The following PDZD2 variants were observed in gnomAD, a reference collection of about 807,000 sequenced individuals.
The protein encoded by PDZD2 is PDZ domain-containing protein 2.
A neutral mutation model predicts 220.7 loss-of-function variants in PDZD2; 90 were observed. That is an observed-to-expected ratio of 0.41 (90% CI 0.34 to 0.49). PDZD2 has a LOEUF of 0.49. Among genes scored for constraint, PDZD2 ranks in the 20% least tolerant of loss-of-function variants. The pLI, the probability that PDZD2 is intolerant of heterozygous loss-of-function variation, is 0.28. For missense variants in PDZD2, 3,174 were observed against 3,608.5 expected (o/e 0.88, Z 3.08); for synonymous variants, 1,375 against 1,450.5 (o/e 0.95, Z 1.18).
At chr5:31,797,580 G>A (rs760939818) in intron 1 of PDZD2, among the ~76,000 whole-genome samples, 5 of 151,812 alleles carry the variant, frequency 3.3e-5, no homozygotes, top group Admixed American at 6.6e-5. Flanking sequence ...CGATCCTCCC[G>A]CCTAACCCTC....
chr5:31,708,956 T>C (rs10040188), intron 1 of PDZD2, among the ~76,000 whole-genome samples: 79,425 of 150,374 alleles, frequency 0.53, 21,284 homozygotes, highest in African/African-American at 0.61. Flanking sequence ...GGTGTAGTCT[T>C]GGCTCACTGC....
chr5:31,705,016 C>G lies in PDZD2; in HGVS notation c.-361+65579C>G, dbSNP rs560033192. ...TCTCTACTAAAAATACAAAAATTAG[C>G]CAGGTGTGGTGGCATATGCCTGTAG... On this transcript the variant is annotated intron_variant, in intron 1 of 24. Coordinates refer to ENST00000438447, the MANE Select transcript of PDZD2 (RefSeq NM_178140.4). Among the ~76,000 whole-genome samples the G allele has an allele frequency of 4.6e-5, 7 of 152,246 alleles. No individual in the cohort carries two copies. In the East Asian group the frequency reaches 1.3e-3, roughly 29 times the overall value.
intron 2 of PDZD2, among the ~76,000 whole-genome samples, chr5:31,807,657 G>A (rs1170603432): frequency 6.6e-6 from 1 of 152,188 alleles, no homozygotes; most frequent in Non-Finnish European, 1.5e-5. Flanking sequence ...GAGTGGCGTG[G>A]CATGGGGACC....
intron 2 of PDZD2, among the ~76,000 whole-genome samples, chr5:31,902,728 G>C (rs1343118511): frequency 1.3e-5 from 2 of 151,664 alleles, no homozygotes; most frequent in Non-Finnish European, 2.9e-5. Context: ...TTAGCCGGGT[G>C]CAGTGGCACG....
At position 32,109,846 on chromosome 5, in the gene PDZD2, C is replaced by G. The variant is rs925868315; in HGVS notation, c.*1711C>G. 6.6e-6 allele frequency: 1 copy of G among 152,604 alleles called. No homozygotes were observed. Among genetic ancestry groups the G allele is most frequent in the Non-Finnish European group, 1.5e-5 (1 of 68,060 alleles). 9.5% of individuals were successfully genotyped at this position (152,604 alleles called of 1,614,324 possible). A position where few individuals can be genotyped will look rare whatever the true frequency, so the allele number is the denominator to read the frequency against. ...CAATCCCACTAAACATCTTTGAAGT[C>G]GGCCTAGAGAGGTCCTTCAGATGAG... On this transcript the variant is annotated 3_prime_UTR_variant, in exon 25 of 25. Transcript: ENST00000438447.
intron 2 of PDZD2, chr5:31,908,933 G>C (rs1487440697): frequency 2.9e-6 from 1 of 342,060 alleles, no homozygotes; most frequent in Non-Finnish European, 5.5e-6. Flanking sequence ...TGTAATCCCA[G>C]CTACTTGGGA....
At chr5:31,655,988 G>C (rs547864139) in intron 1 of PDZD2, among the ~76,000 whole-genome samples, 156 of 152,328 alleles carry the variant, frequency 1.0e-3, no homozygotes, top group African/African-American at 3.7e-3. Context: ...CATCTCATTA[G>C]AGTGGTTGGA....
At chr5:31,722,374 GC>G (rs1748859588) in intron 1 of PDZD2, among the ~76,000 whole-genome samples, 1 of 152,056 alleles carries the variant, frequency 6.6e-6, no homozygotes, top group Non-Finnish European at 1.5e-5. Flanking sequence ...TGGACGGACA[GC>G]CTGCCCCCTC....
rs944976546 is a variant in PDZD2 at position 32,072,235 on chromosome 5, G to A, written c.2643G>A (p.Met881Ile). 4.3e-6 allele frequency: 7 copies of A among 1,613,976 alleles called. No individual in the cohort carries two copies. The highest frequency in any genetic ancestry group is 5.9e-6 in the Non-Finnish European group (7 of 1,179,824). The change falls in exon 17 of 25, where the codon ATG becomes ATA. Residue 881 changes from methionine to isoleucine, a missense_variant. Around this residue, in one of 4 missense-constraint regions of PDZD2, gnomAD observed 1,861 missense variants for 2,001.0 expected, o/e 0.93. Transcript: ENST00000438447. ...HDVPGPLSDF[M>I]VAGSEDEDHP... Reference sequence around the variant, plus strand: ...TCCCTGGCCCCTTGTCAGACTTCATGGTGGCCGGTTCTGAGGACGAGGATC... The same window carrying A: ...TCCCTGGCCCCTTGTCAGACTTCATAGTGGCCGGTTCTGAGGACGAGGATC...
chr5:31,723,374 G>A (rs779157825), intron 1 of PDZD2, among the ~76,000 whole-genome samples: 1 of 151,524 alleles, frequency 6.6e-6, no homozygotes, highest in Non-Finnish European at 1.5e-5. Context: ...GATTGGACAT[G>A]TCAAGTCACT....
chr5:32,025,142 A>T (rs1199297433), intron 6 of PDZD2, among the ~76,000 whole-genome samples: 4 of 152,196 alleles, frequency 2.6e-5, no homozygotes, highest in African/African-American at 9.7e-5. Flanking sequence ...GAAAGAAAGG[A>T]AGGAAAAAGA....
chr5:31,723,743 G>A (rs1313199030), intron 1 of PDZD2, among the ~76,000 whole-genome samples: 1 of 151,984 alleles, frequency 6.6e-6, no homozygotes, highest in Non-Finnish European at 1.5e-5. Context: ...TCAGCCTCCC[G>A]AGCAGCTGGG....
chr5:31,856,941 T>C (rs1183651564), intron 2 of PDZD2, among the ~76,000 whole-genome samples: 2 of 149,750 alleles, frequency 1.3e-5, no homozygotes, highest in Non-Finnish European at 3.0e-5. Flanking sequence ...TATATAACTT[T>C]AAAAAGTCAA....
At chr5:31,691,983 G>T (rs1002980829) in intron 1 of PDZD2, among the ~76,000 whole-genome samples, 1 of 152,270 alleles carries the variant, frequency 6.6e-6, no homozygotes, top group African/African-American at 2.4e-5. Context: ...TGCAGGTGGA[G>T]CTGCCTGCCA....
chr5:31,971,784 C>T (rs912655501), intron 2 of PDZD2, among the ~76,000 whole-genome samples: 8 of 151,962 alleles, frequency 5.3e-5, no homozygotes, highest in Non-Finnish European at 8.8e-5. Flanking sequence ...TCCCCATTTG[C>T]ACAAAGGTCT....
chr5:32,008,486 A>G (rs1753032139), intron 5 of PDZD2, among the ~76,000 whole-genome samples: 1 of 151,918 alleles, frequency 6.6e-6, no homozygotes, highest in Non-Finnish European at 1.5e-5. Context: ...GGGTTTCACC[A>G]TGTTGGCCAG....
intron 1 of PDZD2, among the ~76,000 whole-genome samples, chr5:31,700,141 G>C (rs1314500501): frequency 6.6e-6 from 1 of 152,142 alleles, no homozygotes; most frequent in African/African-American, 2.4e-5. Context: ...GAATGGATTG[G>C]GGGACACGAG....
chr5:31,965,545 T>G (rs971041441), intron 2 of PDZD2, among the ~76,000 whole-genome samples: 1 of 152,184 alleles, frequency 6.6e-6, no homozygotes, highest in African/African-American at 2.4e-5. Context: ...TATCAAAGGT[T>G]ACCGGCTCTA....
At chr5:32,023,238 A>T (rs1400644213) in intron 6 of PDZD2, among the ~76,000 whole-genome samples, 1 of 150,254 alleles carries the variant, frequency 6.7e-6, no homozygotes, top group African/African-American at 2.5e-5. Context: ...TGCTCACTTG[A>T]TGCCGGCTGT....
Sources: allele counts gnomAD v4.1 joint callset (sites outside exome capture counted in the v4.1 genomes callset), GRCh38; gene constraint gnomAD v4.1.1; regional missense constraint gnomAD v4.1.1; transcripts MANE v1.5; gene names NCBI Gene and HGNC (gene_info 2026-07-23, HGNC 2026-07-21).